DYSF: variants seen among roughly 807,000 people sequenced by gnomAD.
DYSF encodes the protein dysferlin, also known as dystrophy-associated fer-1-like 1.
Under a neutral mutation model 274.9 loss-of-function variants are expected in DYSF, and 212 were observed. The observed-to-expected ratio is 0.77, with a 90% CI of 0.69 to 0.86. DYSF has a LOEUF of 0.86. DYSF is among the 40% of genes least tolerant of loss of function. The pLI is 0.00. For synonymous variants in DYSF, 1,091 were observed against 1,078.7 expected, an observed-to-expected ratio of 1.01 and a Z score of -0.22; for missense variants, 2,666 against 2,783.2, an observed-to-expected ratio of 0.96 and a Z score of 0.95.
chr2:71,598,533 T>C (rs968310714), intron 32 of DYSF, 31 bp from the exon 33 acceptor site: 2 of 1,613,718 alleles, frequency 1.2e-6, no homozygotes, highest in African/African-American at 1.3e-5. Flanking sequence ...TGCTGTGTCC[T>C]GTCTCCCCTC....
At chr2:71,463,347 G>T (rs997932314), upstream of DYSF, among the ~76,000 whole-genome samples, 3 of 152,244 alleles carry the variant, frequency 2.0e-5, no homozygotes, top group African/African-American at 4.8e-5. Context: ...TGGGGCGAAG[G>T]CACTTCTGAG....
At chr2:71,671,437 GGAGAGGGA>G (rs2095119485) in intron 51 of DYSF, among the ~76,000 whole-genome samples, 1 of 152,248 alleles carries the variant, frequency 6.6e-6, no homozygotes, top group South Asian at 2.1e-4. Context: ...GCCTGGGAGT[GGAGAGGGA>G]GGGCTGCGCC....
At position 71,590,303 on chromosome 2, in the gene DYSF, G is replaced by C; in HGVS notation, c.3574+15G>C. On this transcript the variant is annotated intron_variant, in intron 32 of 55. Coordinates refer to ENST00000410020, the MANE Select transcript of DYSF (RefSeq NM_001130987.2). ...CTCTTTTTCTGGTAGGTGGGAGAGA[G>C]GCAGGAGAGTCAGAGACTGTGGGCT... 1 of 1,614,032 alleles carries C rather than the reference G, an allele frequency of 6.2e-7. No homozygotes were observed. Among genetic ancestry groups the C allele is most frequent in the Admixed American group, 1.7e-5 (1 of 60,026 alleles).
intron 43 of DYSF, among the ~76,000 whole-genome samples, chr2:71,657,678 G>T (rs2094799298): frequency 6.6e-6 from 1 of 152,220 alleles, no homozygotes; most frequent in African/African-American, 2.4e-5. Context: ...CGTGGAAGCT[G>T]CCAAGGCTTG....
intron 16 of DYSF, among the ~76,000 whole-genome samples, chr2:71,537,083 G>T (rs2089419231): frequency 6.6e-6 from 1 of 152,076 alleles, no homozygotes; most frequent in Non-Finnish European, 1.5e-5. Flanking sequence ...CTGGAGGTCA[G>T]AAATCCAATT....
At chr2:71,650,939 G>C (rs1007810041) in intron 42 of DYSF, among the ~76,000 whole-genome samples, 2 of 152,106 alleles carry the variant, frequency 1.3e-5, no homozygotes, top group African/African-American at 4.8e-5. Flanking sequence ...AACTAATTAA[G>C]TATCTAACTC....
intron 36 of DYSF, chr2:71,610,950 C>T (rs908464061): frequency 1.5e-5 from 7 of 460,568 alleles, no homozygotes; most frequent in Non-Finnish European, 2.8e-5. Context: ...CCCGGAGCAG[C>T]TCAGGGGGCA....
chr2:71,592,269 C>G (rs575524198), intron 32 of DYSF, among the ~76,000 whole-genome samples: 1 of 152,170 alleles, frequency 6.6e-6, no homozygotes. Context: ...CCTCTGGAGA[C>G]GGCATTGGTA....
intron 42 of DYSF, among the ~76,000 whole-genome samples, chr2:71,655,864 GAACAAAT>G (rs1234921888): frequency 6.6e-6 from 1 of 152,174 alleles, no homozygotes; most frequent in Non-Finnish European, 1.5e-5. Flanking sequence ...TAACGGAGCT[GAACAAAT>G]ATCTTTCCTT....
intron 19 of DYSF, among the ~76,000 whole-genome samples, 173 bp downstream of exon 19, chr2:71,551,893 A>G (rs2090978438): frequency 6.6e-6 from 1 of 152,142 alleles, no homozygotes; most frequent in Admixed American, 6.5e-5. Flanking sequence ...ATAAATCAAC[A>G]CTTGCCCTGC....
At chr2:71,622,148 T>C in intron 41 of DYSF, among the ~76,000 whole-genome samples, 1 of 150,046 alleles carries the variant, frequency 6.7e-6, no homozygotes, top group Admixed American at 6.6e-5. Context: ...TTTTTTTTTG[T>C]TACGCCCAGG....
intron 12 of DYSF, 143 bp from the exon 13 acceptor site, chr2:71,526,076 AC>A: frequency 2.1e-6 from 3 of 1,451,246 alleles, no homozygotes; most frequent in Non-Finnish European, 2.9e-6. Flanking sequence ...CTTGCCCGAG[AC>A]CACGCGGTAG....
intron 4 of DYSF, among the ~76,000 whole-genome samples, chr2:71,506,069 G>T (rs541883855): frequency 3.9e-5 from 6 of 152,382 alleles, no homozygotes; most frequent in African/African-American, 1.4e-4. Flanking sequence ...GTTAGTGAGG[G>T]CCACGCACAT....
chr2:71,507,135 C>T (rs1293603476), intron 4 of DYSF, among the ~76,000 whole-genome samples: 2 of 152,080 alleles, frequency 1.3e-5, no homozygotes, highest in African/African-American at 2.4e-5. Flanking sequence ...GCACTGGGCA[C>T]GGTGTGGAAG....
chr2:71,505,277 G>A (rs1441011377), intron 4 of DYSF, among the ~76,000 whole-genome samples: 2 of 152,208 alleles, frequency 1.3e-5, no homozygotes, highest in African/African-American at 4.8e-5. Context: ...GGGATAACTG[G>A]GGGTGTGCTG....
chr2:71,629,632 T>C (rs12612922), intron 41 of DYSF, among the ~76,000 whole-genome samples: 41,534 of 152,224 alleles, frequency 0.27, 6,591 homozygotes, highest in East Asian at 0.39. Context: ...GTTCAGTGTG[T>C]GGCTTTTTGG....
chr2:71,476,683 C>T (rs550100834), intron 1 of DYSF, among the ~76,000 whole-genome samples: 5 of 152,184 alleles, frequency 3.3e-5, no homozygotes, highest in Non-Finnish European at 5.9e-5. Context: ...AGTTTGAATC[C>T]TCCTGTACAT....
At chr2:71,646,728 A>G (rs575330392) in intron 42 of DYSF, among the ~76,000 whole-genome samples, 1 of 152,310 alleles carries the variant, frequency 6.6e-6, no homozygotes, top group South Asian at 2.1e-4. Context: ...AGAACAAAAC[A>G]TCTTAATGTT....
chr2:71,623,536 T>TGTGG (rs1355442665), intron 41 of DYSF, among the ~76,000 whole-genome samples: 1 of 152,200 alleles, frequency 6.6e-6, no homozygotes, highest in Admixed American at 6.5e-5. Flanking sequence ...TCATTTGACA[T>TGTGG]GTGCCACACC....
Sources: allele counts gnomAD v4.1 joint callset (sites outside exome capture counted in the v4.1 genomes callset), GRCh38; gene constraint gnomAD v4.1.1; transcripts MANE v1.5; gene names NCBI Gene and HGNC (gene_info 2026-07-23, HGNC 2026-07-21).